The following MCPH1 variants were observed in gnomAD, a reference collection of about 807,000 sequenced individuals.
MCPH1 encodes microcephalin.
A neutral mutation model predicts 84.5 loss-of-function variants in MCPH1; 104 were observed. The observed-to-expected ratio is 1.23, with a 90% CI of 1.05 to 1.45. The LOEUF (loss-of-function observed/expected upper bound fraction) is 1.45. MCPH1 is among the 40% of genes most tolerant of loss of function. The pLI is 0.00. For missense variants in MCPH1, 1,498 were observed against 1,005.7 expected (o/e 1.49, Z -6.62); for synonymous variants, 514 against 366.8 (o/e 1.40, Z -4.58).
At chr8:6,613,421 C>T (rs1028102024) in intron 12 of MCPH1, among the ~76,000 whole-genome samples, 1 of 151,584 alleles carries the variant, frequency 6.6e-6, no homozygotes, top group Non-Finnish European at 1.5e-5. Context: ...CTCAGTCTGA[C>T]GTGGAGAGAA....
chr8:6,440,050 T>C (rs1803276365), intron 6 of MCPH1, among the ~76,000 whole-genome samples: 1 of 152,226 alleles, frequency 6.6e-6, no homozygotes, highest in Non-Finnish European at 1.5e-5. Flanking sequence ...TATTATCCGC[T>C]TTATTTACTT....
rs561794147 is a variant in MCPH1, at chr8:6,444,641, G to A, written c.919G>A (p.Ala307Thr). 5.6e-6 allele frequency: 9 copies of A among 1,613,996 alleles called. No individual in the cohort carries two copies. Among genetic ancestry groups the A allele is most frequent in the Non-Finnish European group, 7.6e-6 (9 of 1,180,036 alleles). Residue 307 changes from alanine (A) to threonine (T), a missense_variant, in exon 8 of 14, where the codon GCA (alanine) becomes ACA (threonine). By Grantham distance (58) the Ala-to-Thr change is moderately conservative. Coordinates refer to ENST00000344683, the MANE Select transcript of MCPH1 (RefSeq NM_024596.5). Reference sequence around the variant, plus strand: ...AGAAATAAACTTGCAAAGAAATATTGCAGGTAAAGTAGTCACCCCTGACCA... The same window carrying A: ...AGAAATAAACTTGCAAAGAAATATTACAGGTAAAGTAGTCACCCCTGACCA... The part of the protein sequence containing the change: ...KEEINLQRNI[A>T]GKVVTPDQKQ...
chr8:6,469,158 C>T (rs562917770), intron 9 of MCPH1, among the ~76,000 whole-genome samples: 9 of 152,074 alleles, frequency 5.9e-5, no homozygotes, highest in Non-Finnish European at 1.3e-4. Context: ...CCAGCCTGGG[C>T]AAGAGTGAGA....
At chr8:6,425,865 T>A (rs1800984718) in intron 3 of MCPH1, among the ~76,000 whole-genome samples, 1 of 152,228 alleles carries the variant, frequency 6.6e-6, no homozygotes, top group Non-Finnish European at 1.5e-5. Context: ...GTGGTGATTT[T>A]AATACTGTGT....
chr8:6,451,582 A>G (rs1805090449), intron 8 of MCPH1, among the ~76,000 whole-genome samples: 1 of 152,212 alleles, frequency 6.6e-6, no homozygotes, highest in South Asian at 2.1e-4. Context: ...TTTTTTTCAG[A>G]ATGAACAAAG....
chr8:6,473,970 C>A, intron 9 of MCPH1: 1 of 1,183,070 alleles, frequency 8.5e-7, no homozygotes, highest in South Asian at 1.3e-5. Context: ...GCCGTGGCTT[C>A]TTCATAAAGA....
intron 12 of MCPH1, chr8:6,532,347 A>G: frequency 6.2e-7 from 1 of 1,614,126 alleles, no homozygotes; most frequent in Non-Finnish European, 8.5e-7. Flanking sequence ...CTTCCACATC[A>G]GTTAACTTCC....
At chr8:6,469,384 C>T (rs995433711) in intron 9 of MCPH1, among the ~76,000 whole-genome samples, 2 of 152,148 alleles carry the variant, frequency 1.3e-5, no homozygotes, top group African/African-American at 4.8e-5. Flanking sequence ...TCTGAAGGTG[C>T]TTTACACGAT....
rs868476855 is a variant in MCPH1 at position 6,576,722 on chromosome 8, T to C, written c.2215-44732T>C. On this transcript the variant is annotated intron_variant, in intron 12 of 13. Coordinates refer to ENST00000344683, the MANE Select transcript of MCPH1 (RefSeq NM_024596.5). ...TTTTTTTTTTTTTTTTTTTTTTTTTTTTTTTAGTAGAGATGGGTTTTCACC... is the reference window on the plus strand; with the variant it reads ...TTTTTTTTTTTTTTTTTTTTTTTTTCTTTTTAGTAGAGATGGGTTTTCACC... 8.9e-3 allele frequency among the ~76,000 whole-genome samples: 816 copies of C among 91,480 alleles called. 17 individuals are homozygous for C. The highest frequency in any genetic ancestry group is 0.038 in the African/African-American group (753 of 19,792). 60.0% of individuals were successfully genotyped at this position (91,480 alleles called of 152,430 possible). A position where few individuals can be genotyped will look rare whatever the true frequency, so the allele number is the denominator to read the frequency against.
Position 6,521,263 on chromosome 8 carries a change from C to T in MCPH1, c.2214+21334C>T, listed in dbSNP as rs55633437. ...GCTTCTGAAGAACTGAATTATTCAC[C>T]GTGGCAGTCACTATTTTTTTTTCTA... On this transcript the variant is annotated intron_variant, in intron 12 of 13. Transcript: ENST00000344683. 303 of 1,613,802 alleles carry T rather than the reference C, an allele frequency of 1.9e-4. 3 individuals are homozygous for T. In the African/African-American group the frequency reaches 3.5e-3, roughly 19 times the overall value.
At chr8:6,437,724 G>A (rs961418298) in intron 5 of MCPH1, among the ~76,000 whole-genome samples, 1 of 152,160 alleles carries the variant, frequency 6.6e-6, no homozygotes, top group Non-Finnish European at 1.5e-5. Context: ...GCTCAAGCCA[G>A]AAACGTGCAA....
intron 2 of MCPH1, among the ~76,000 whole-genome samples, chr8:6,413,740 G>C (rs2120479): frequency 6.7e-6 from 1 of 150,266 alleles, no homozygotes; most frequent in Non-Finnish European, 1.5e-5. Flanking sequence ...ATCATGTTGC[G>C]TGAATACAGT....
intron 12 of MCPH1, among the ~76,000 whole-genome samples, chr8:6,550,631 G>A (rs1586571000): frequency 6.6e-6 from 1 of 152,180 alleles, no homozygotes; most frequent in African/African-American, 2.4e-5. Context: ...AAGTCTGTCG[G>A]CCCTCCTGAC....
intron 9 of MCPH1, among the ~76,000 whole-genome samples, chr8:6,469,848 C>G (rs1330602414): frequency 6.6e-6 from 1 of 152,174 alleles, no homozygotes; most frequent in Non-Finnish European, 1.5e-5. Context: ...TCTCCCTGCT[C>G]CCTCATCTCT....
intron 10 of MCPH1, among the ~76,000 whole-genome samples, chr8:6,479,355 C>A (rs1021709761): frequency 5.3e-5 from 8 of 151,574 alleles, no homozygotes; most frequent in African/African-American, 1.9e-4. Context: ...TAACCTCTTC[C>A]CCTTTGTAAT....
At chr8:6,613,996 A>G (rs573708243) in intron 12 of MCPH1, among the ~76,000 whole-genome samples, 1 of 152,216 alleles carries the variant, frequency 6.6e-6, no homozygotes, top group South Asian at 2.1e-4. Flanking sequence ...TGGTTTTTCT[A>G]AGGTCCACAG....
At chr8:6,568,234 C>T (rs992943191) in intron 12 of MCPH1, among the ~76,000 whole-genome samples, 2 of 140,034 alleles carry the variant, frequency 1.4e-5, no homozygotes, top group South Asian at 4.3e-4. Context: ...GTGGGTGGCG[C>T]GTGGACCCAT....
chr8:6,596,940 G>T (rs1015275913), intron 12 of MCPH1, among the ~76,000 whole-genome samples: 1 of 152,174 alleles, frequency 6.6e-6, no homozygotes, highest in Non-Finnish European at 1.5e-5. Context: ...TACGGTCAGA[G>T]TTAGCAACCA....
chr8:6,477,707 T>A (rs1356430446), intron 10 of MCPH1, 76 bp downstream of exon 10: 1 of 1,159,924 alleles, frequency 8.6e-7, no homozygotes, highest in Non-Finnish European at 1.3e-6. Context: ...CTGGGTGCCT[T>A]TAGGCAACTT....
Sources: gnomAD v4.1 joint callset for allele counts (sites outside exome capture counted in the v4.1 genomes callset) on GRCh38, gnomAD v4.1.1 for gene constraint, MANE v1.5 for transcripts, NCBI Gene and HGNC (gene_info 2026-07-23, HGNC 2026-07-21) for gene names.